TSHZ3: variants seen among roughly 807,000 people sequenced by gnomAD.
TSHZ3 encodes teashirt zinc finger homeobox 3.
In TSHZ3, 10 loss-of-function variants were observed where a neutral mutation model predicts 64.5. The observed-to-expected ratio is 0.16, with a 90% confidence interval of 0.10 to 0.26. The LOEUF is 0.26. TSHZ3 is among the 10% of genes least tolerant of loss of function. The probability of loss-of-function intolerance (pLI) is 1.00; values close to 1 mark genes in which losing one functional copy is unlikely to be tolerated. For synonymous variants in TSHZ3, 608 were observed against 593.1 expected, an observed-to-expected ratio of 1.03 and a Z score of -0.36; for missense variants, 1,242 against 1,421.7, an observed-to-expected ratio of 0.87 and a Z score of 2.03.
chr19:31,202,222 T>G (rs185184875), intron 5 of TSHZ3, among the ~76,000 whole-genome samples: 13 of 152,068 alleles, frequency 8.5e-5, no homozygotes, highest in Non-Finnish European at 4.4e-5. Flanking sequence ...GATAAGCTAA[T>G]GTAGAACAAT....
intron 1 of TSHZ3, among the ~76,000 whole-genome samples, chr19:31,315,101 G>A (rs1208420501): frequency 1.3e-5 from 2 of 152,246 alleles, no homozygotes; most frequent in South Asian, 2.1e-4. Context: ...GCCAAGAGAT[G>A]TCTATCACCT....
At chr19:31,152,285 T>A (rs1420306565) in intron 6 of TSHZ3, among the ~76,000 whole-genome samples, 1 of 2,382 alleles carries the variant, frequency 4.2e-4, no homozygotes, top group Non-Finnish European at 8.1e-4. Context: ...TATGTGAGCG[T>A]GTGTGTGTGT....
chr19:31,278,997 C>T lies in TSHZ3; in HGVS notation c.796G>A (p.Glu266Lys), dbSNP rs267605409. The T allele has an allele frequency of 6.2e-7, 1 of 1,613,940 alleles. No homozygotes were observed. The highest frequency in any genetic ancestry group is 8.5e-7 in the Non-Finnish European group (1 of 1,179,848). The change falls in exon 2 of 2, where the codon GAA (glutamate) becomes AAA (lysine). Residue 266 changes from glutamate to lysine, a missense_variant. By Grantham distance (56) the Glu-to-Lys change is moderately conservative (BLOSUM62 1). Transcript: ENST00000240587. This position sits in a 1 kb window ranked among gnomAD's most constrained non-coding sequence, Gnocchi z 4.7. ...KPRKRSLLEM[E>K]GKEDAQKVLK... ...ACCTTCTGGGCGTCTTCCTTCCCTT[C>T]CATTTCCAGCAAGGAGCGTTTGCGA...
At chr19:31,328,732 A>C (rs1288941273) in intron 1 of TSHZ3, among the ~76,000 whole-genome samples, 1 of 152,226 alleles carries the variant, frequency 6.6e-6, no homozygotes, top group Non-Finnish European at 1.5e-5. Context: ...GATGGTATAT[A>C]AACTCCAAAC....
exon 7 of TSHZ3, among the ~76,000 whole-genome samples, chr19:31,150,605 G>A (rs372472771): frequency 6.6e-6 from 1 of 152,180 alleles, no homozygotes; most frequent in Non-Finnish European, 1.5e-5. Flanking sequence ...CTACGGGCAG[G>A]ATGGCCCACA....
At chr19:31,299,609 G>A (rs1481499167) in intron 1 of TSHZ3, among the ~76,000 whole-genome samples, 6 of 152,158 alleles carry the variant, frequency 3.9e-5, no homozygotes, top group African/African-American at 7.2e-5. Flanking sequence ...GGAGAAGTCG[G>A]GCCCTGGGTC....
At chr19:31,289,993 T>C (rs1976536553) in intron 1 of TSHZ3, among the ~76,000 whole-genome samples, 1 of 152,234 alleles carries the variant, frequency 6.6e-6, no homozygotes, top group South Asian at 2.1e-4. Context: ...CCCTGGGTTA[T>C]GCTTATACAG....
At chr19:31,218,684 T>C (rs1434872074) in intron 4 of TSHZ3, among the ~76,000 whole-genome samples, 1 of 152,174 alleles carries the variant, frequency 6.6e-6, no homozygotes, top group Non-Finnish European at 1.5e-5. Context: ...ATGAATAAAC[T>C]GGTTCATCCA....
intron 1 of TSHZ3, among the ~76,000 whole-genome samples, chr19:31,328,420 C>G (rs1916987290): frequency 1.3e-5 from 2 of 152,242 alleles, no homozygotes; most frequent in Admixed American, 1.3e-4. Context: ...GAAGGCCAGC[C>G]CAGGCTGACA....
At chr19:31,260,385 C>T (rs373652379) in intron 1 of TSHZ3, among the ~76,000 whole-genome samples, 13 of 152,252 alleles carry the variant, frequency 8.5e-5, no homozygotes, top group South Asian at 2.1e-4. Context: ...GGCAAATTAC[C>T]GCCCCTCCTC....
At chr19:31,252,751 C>T (rs1038689458) in intron 1 of TSHZ3, among the ~76,000 whole-genome samples, 30 of 152,158 alleles carry the variant, frequency 2.0e-4, no homozygotes, top group African/African-American at 7.0e-4. Flanking sequence ...GTATAAATTA[C>T]CCAGTCTCAG....
In TSHZ3 at chr19:31,321,097, G is replaced by A. The variant is rs145486965; in HGVS notation, c.40+28083C>T. 6.3e-3 allele frequency among the ~76,000 whole-genome samples: 960 copies of A among 152,344 alleles called. 35 individuals carry two copies. The highest frequency in any genetic ancestry group is 0.049 in the Admixed American group (743 of 15,304). The stretch of plus-strand genomic sequence containing the variant: ...CATAAAGAATGTAAAACTGTGTCCT[G>A]TTGAAGGATGGCAGTGATACCATGC... On this transcript the variant is annotated intron_variant, in intron 1 of 1. Coordinates refer to ENST00000240587, the MANE Select transcript of TSHZ3 (RefSeq NM_020856.4).
intron 1 of TSHZ3, chr19:31,308,446 G>A (rs1048119971): frequency 1.3e-5 from 5 of 390,676 alleles, no homozygotes; most frequent in Admixed American, 4.4e-5. Context: ...CAGCTCCGGT[G>A]TCATCGCCAG....
At chr19:31,154,228 G>A (rs1974274254) in intron 6 of TSHZ3, among the ~76,000 whole-genome samples, 1 of 152,162 alleles carries the variant, frequency 6.6e-6, no homozygotes, top group Admixed American at 6.5e-5. Context: ...ACAGCCACAG[G>A]AATGACAGAA....
intron 4 of TSHZ3, among the ~76,000 whole-genome samples, chr19:31,225,238 C>T (rs765680540): frequency 2.0e-5 from 3 of 152,188 alleles, no homozygotes; most frequent in African/African-American, 4.8e-5. Flanking sequence ...GGAAGCCTGG[C>T]CCCAGAGTCA....
intron 1 of TSHZ3, among the ~76,000 whole-genome samples, chr19:31,296,614 G>A (rs555588268): frequency 2.0e-5 from 3 of 152,324 alleles, no homozygotes; most frequent in African/African-American, 7.2e-5. Flanking sequence ...GGGATTACAG[G>A]CGTGGGCCAC....
chr19:31,241,582 G>T (rs1475838372), intron 3 of TSHZ3, among the ~76,000 whole-genome samples: 1 of 152,196 alleles, frequency 6.6e-6, no homozygotes, highest in Non-Finnish European at 1.5e-5. Context: ...CCATGGACTT[G>T]CAGGGAACCA....
chr19:31,253,421 C>T (rs577894702), intron 1 of TSHZ3, among the ~76,000 whole-genome samples: 3 of 152,128 alleles, frequency 2.0e-5, no homozygotes, highest in African/African-American at 4.8e-5. Flanking sequence ...AATGGCTGAA[C>T]GCCCAAAGTT....
intron 4 of TSHZ3, among the ~76,000 whole-genome samples, chr19:31,205,754 T>A (rs916988436): frequency 4.6e-5 from 7 of 152,198 alleles, no homozygotes; most frequent in African/African-American, 1.7e-4. Flanking sequence ...CTCAGCTCCT[T>A]AGCACTTTGA....
Sources: gnomAD v4.1 joint callset for allele counts (sites outside exome capture counted in the v4.1 genomes callset) on GRCh38, gnomAD v4.1.1 for gene constraint, Gnocchi (gnomAD v3.1) non-coding constraint, MANE v1.5 for transcripts, NCBI Gene and HGNC (gene_info 2026-07-23, HGNC 2026-07-21) for gene names.